The following PCDHA2 variants were observed in gnomAD, a reference collection of about 807,000 sequenced individuals.
The protein encoded by PCDHA2 is protocadherin alpha-2.
PCDHA2 carries 58 observed loss-of-function variants against 66.0 expected under a neutral mutation model. That is an observed-to-expected ratio of 0.88 (90% CI 0.71 to 1.09). The LOEUF (loss-of-function observed/expected upper bound fraction) is 1.09. PCDHA2 is among the 50% of genes least tolerant of loss of function. The pLI is 0.00. For missense variants in PCDHA2, 1,267 were observed against 1,242.3 expected (o/e 1.02, Z -0.30); for synonymous variants, 634 against 554.0 (o/e 1.14, Z -2.03).
chr5:140,830,499 C>A (rs2150187273), intron 1 of PCDHA2: 4 of 1,454,248 alleles, frequency 2.8e-6, no homozygotes, highest in Non-Finnish European at 3.7e-6. Flanking sequence ...AGTGAATTTT[C>A]ATAATTAACA....
chr5:140,873,998 C>T (rs2054625298), intron 1 of PCDHA2, among the ~76,000 whole-genome samples: 1 of 152,166 alleles, frequency 6.6e-6, no homozygotes, highest in Non-Finnish European at 1.5e-5. Context: ...ATGTATGGTA[C>T]ATTGACCACT....
chr5:140,802,949 A>T lies in PCDHA2; in HGVS notation c.2388+5597A>T, dbSNP rs782799537. The T allele has an allele frequency of 1.4e-5, 22 of 1,613,796 alleles. 1 individual carries two copies. The South Asian group carries it at 2.1e-4, about 15-fold the overall frequency. On this transcript the variant is annotated intron_variant, in intron 1 of 3. Coordinates refer to ENST00000526136, the MANE Select transcript of PCDHA2 (RefSeq NM_018905.3). ...CAGTGAGCGAGCTGGTGCCGCGGTC[A>T]GTGGGTGCGGGCCACGTGGTAGCGA...
intron 1 of PCDHA2, chr5:140,810,414 A>G (rs782181134): frequency 3.9e-5 from 6 of 152,014 alleles, no homozygotes; most frequent in Admixed American, 3.9e-4. Flanking sequence ...ACACCAACCA[A>G]TTTTCCAAGA....
intron 1 of PCDHA2, among the ~76,000 whole-genome samples, chr5:140,971,546 A>G (rs1236125448): frequency 6.6e-6 from 1 of 152,146 alleles, no homozygotes; most frequent in African/African-American, 2.4e-5. Context: ...TGCCAGATCA[A>G]CCTGTTAAAT....
intron 1 of PCDHA2, chr5:140,828,615 G>T: frequency 6.2e-7 from 1 of 1,614,212 alleles, no homozygotes; most frequent in Non-Finnish European, 8.5e-7. Context: ...CTCAGTTCTA[G>T]CGAATACTTC....
chr5:140,809,064 T>C (rs543142225), intron 1 of PCDHA2: 3 of 1,613,792 alleles, frequency 1.9e-6, no homozygotes, highest in South Asian at 2.2e-5. Flanking sequence ...CGCGTGGGGC[T>C]GTACACTGGC....
chr5:140,881,803 T>A (rs574659861), intron 1 of PCDHA2, among the ~76,000 whole-genome samples: 5 of 152,058 alleles, frequency 3.3e-5, no homozygotes, highest in Non-Finnish European at 7.3e-5. Context: ...CCAAAACGAG[T>A]GTCGAATATT....
intron 1 of PCDHA2, chr5:140,828,447 T>G: frequency 6.2e-7 from 1 of 1,614,248 alleles, no homozygotes; most frequent in Non-Finnish European, 8.5e-7. Context: ...GTTTTCCATG[T>G]GGACGTGGAG....
chr5:140,873,928 T>C (rs944678136), intron 1 of PCDHA2, among the ~76,000 whole-genome samples: 1 of 152,216 alleles, frequency 6.6e-6, no homozygotes, highest in Non-Finnish European at 1.5e-5. Flanking sequence ...CCCAAAGTGC[T>C]GGGATTACAG....
intron 1 of PCDHA2, chr5:140,882,302 C>T (rs2059055627): frequency 1.2e-6 from 2 of 1,613,794 alleles, no homozygotes; most frequent in Non-Finnish European, 8.5e-7. Context: ...CCCAAGACCG[C>T]GGCAACTACT....
Position 140,809,053 on chromosome 5 carries a change from C to A in PCDHA2, c.2388+11701C>A, listed in dbSNP as rs1307759029. 2.9e-5 allele frequency: 47 copies of A among 1,613,756 alleles called. No individual in the cohort carries two copies. Among genetic ancestry groups the A allele is most frequent in the Non-Finnish European group, 3.8e-5 (45 of 1,179,898 alleles). On this transcript the variant is annotated intron_variant, in intron 1 of 3. Coordinates refer to ENST00000526136, the MANE Select transcript of PCDHA2 (RefSeq NM_018905.3). ...GGACTGGTGGCGCGCGCATCCCGTT[C>A]CGCGTGGGGCTGTACACTGGCGAGA...
At chr5:140,880,214 A>C (rs2058267657) in intron 1 of PCDHA2, among the ~76,000 whole-genome samples, 1 of 152,224 alleles carries the variant, frequency 6.6e-6, no homozygotes, top group African/African-American at 2.4e-5. Flanking sequence ...TTCCACCAGA[A>C]GTAGAACATT....
At chr5:140,962,565 C>G (rs2095693012) in intron 1 of PCDHA2, among the ~76,000 whole-genome samples, 1 of 152,130 alleles carries the variant, frequency 6.6e-6, no homozygotes, top group African/African-American at 2.4e-5. Flanking sequence ...CCCCTAAAAG[C>G]CAATTGTTAA....
chr5:141,003,684 A>C (rs1425078507), intron 3 of PCDHA2, among the ~76,000 whole-genome samples: 1 of 152,240 alleles, frequency 6.6e-6, no homozygotes, highest in Non-Finnish European at 1.5e-5. Flanking sequence ...TTCTGATTTT[A>C]AAATATATCC....
intron 1 of PCDHA2, among the ~76,000 whole-genome samples, chr5:140,934,797 T>A (rs1045887352): frequency 6.6e-6 from 1 of 152,236 alleles, no homozygotes; most frequent in African/African-American, 2.4e-5. Context: ...CAATTATCTT[T>A]TTAATGATCA....
At chr5:140,942,544 G>A (rs546340510) in intron 1 of PCDHA2, among the ~76,000 whole-genome samples, 105 of 152,118 alleles carry the variant, frequency 6.9e-4, no homozygotes, top group African/African-American at 2.5e-3. Flanking sequence ...TATGGTGGGG[G>A]GTAGGGGGTT....
At position 140,843,387 on chromosome 5, in the gene PCDHA2, C is replaced by G. The variant is rs782229636; in HGVS notation, c.2388+46035C>G. On this transcript the variant is annotated intron_variant, in intron 1 of 3. Transcript: ENST00000526136. ...AGGCAGTCGGCTGGCGTTTTGGGTC[C>G]GGAAGCGGCGCTGGTGGATGTCAAC... 7 of 1,595,950 alleles carry G rather than the reference C, an allele frequency of 4.4e-6. 1 individual carries two copies. The Admixed American group carries it at 1.2e-4, about 27-fold the overall frequency.
In PCDHA2 at chr5:140,857,943, C is replaced by T. The variant is rs782648009; in HGVS notation, c.2388+60591C>T. 3 of 1,597,460 alleles carry T rather than the reference C, an allele frequency of 1.9e-6. 1 individual carries two copies. The highest frequency in any genetic ancestry group is 2.6e-6 in the Non-Finnish European group (3 of 1,167,412). Reference sequence around the variant, plus strand: ...GGGCTGTACACGGGCGAGATCAGTACGACGCGCGCTCTGGATGAGACTGAC... The same window carrying T: ...GGGCTGTACACGGGCGAGATCAGTATGACGCGCGCTCTGGATGAGACTGAC... On this transcript the variant is annotated intron_variant, in intron 1 of 3. Coordinates refer to ENST00000526136, the MANE Select transcript of PCDHA2 (RefSeq NM_018905.3).
At chr5:140,808,987 C>T (rs1554124939) in intron 1 of PCDHA2, 1 of 1,613,708 alleles carries the variant, frequency 6.2e-7, no homozygotes, top group South Asian at 1.1e-5. Context: ...TGGATGCTGA[C>T]TCGGGCTACA....
Sources: gnomAD v4.1 joint callset for allele counts (sites outside exome capture counted in the v4.1 genomes callset) on GRCh38, gnomAD v4.1.1 for gene constraint, MANE v1.5 for transcripts, NCBI Gene and HGNC (gene_info 2026-07-23, HGNC 2026-07-21) for gene names.